The following ZNF703 variants were observed in gnomAD, a reference collection of about 807,000 sequenced individuals.
The protein encoded by ZNF703 is NocA-like zinc finger 1.
ZNF703 carries 18 observed loss-of-function variants against 30.7 expected under a neutral mutation model. The observed-to-expected ratio is 0.59, with a 90% CI of 0.40 to 0.87. The LOEUF (loss-of-function observed/expected upper bound fraction) is 0.87, where lower values mean the gene tolerates loss of function less well. Ranked by LOEUF, ZNF703 falls within the 40% of genes least tolerant of loss-of-function variation. The pLI, the probability that ZNF703 is intolerant of heterozygous loss-of-function variation, is 0.00. For synonymous variants in ZNF703, 457 were observed against 438.6 expected (o/e 1.04, Z -0.52); for missense variants, 814 against 847.8 (o/e 0.96, Z 0.50).
rs1190180641 is a variant in ZNF703 at position 37,695,938 on chromosome 8, C to T, written c.-42C>T. The T allele has an allele frequency of 3.0e-6, 4 of 1,351,722 alleles. No individual in the cohort carries two copies. The highest frequency in any genetic ancestry group is 3.1e-5 in the African/African-American group (2 of 65,512). 83.7% of individuals were successfully genotyped at this position (1,351,722 alleles called of 1,614,324 possible). A position where few individuals can be genotyped will look rare whatever the true frequency, so the allele number is the denominator to read the frequency against. On this transcript the variant is annotated 5_prime_UTR_variant, in exon 1 of 2. Coordinates refer to ENST00000331569, the MANE Select transcript of ZNF703 (RefSeq NM_025069.3). ...CCCGGGAGCTCGCCTCCCCGGTGCT[C>T]CCCCGCCCTCCCCGCCCCCCCAGCG...
In ZNF703 at chr8:37,697,691, G is replaced by A; in HGVS notation, c.790G>A (p.Gly264Arg). 7.5e-7 allele frequency: 1 copy of A among 1,332,654 alleles called. No individual in the cohort carries two copies. The highest frequency in any genetic ancestry group is 9.5e-7 in the Non-Finnish European group (1 of 1,049,494). 82.6% of individuals were successfully genotyped at this position (1,332,654 alleles called of 1,614,324 possible). A position where few individuals can be genotyped will look rare whatever the true frequency, so the allele number is the denominator to read the frequency against. Reference sequence around the variant, plus strand: ...GGCAGCCGTGAGCCGCGGCGGCGGTGGGGAGCCCGGGGCGCACGGTGGCGC... The same window carrying A: ...GGCAGCCGTGAGCCGCGGCGGCGGTAGGGAGCCCGGGGCGCACGGTGGCGC... ...EPAAVSRGGG[G>R]EPGAHGGAES... Residue 264 changes from glycine (G) to arginine (R), a missense_variant, in exon 2 of 2, where the codon GGG (glycine) becomes AGG (arginine). Gly to Arg is a moderately radical substitution (Grantham distance 125). Transcript: ENST00000331569.
At position 37,698,320 on chromosome 8, in the gene ZNF703, C is replaced by G. The variant is rs1203149910; in HGVS notation, c.1419C>G (p.Thr473=). 1 of 1,541,168 alleles carries G rather than the reference C, an allele frequency of 6.5e-7. No homozygotes were observed. The highest frequency in any genetic ancestry group is 8.7e-7 in the Non-Finnish European group (1 of 1,145,304). The change falls in exon 2 of 2, where the codon ACC becomes ACG. Residue 473 remains threonine (T), a synonymous_variant. Coordinates refer to ENST00000331569, the MANE Select transcript of ZNF703 (RefSeq NM_025069.3). ...GGCCGTGCGACAAGCGCTTCGCCAC[C>G]TCGGAGGAGCTGCTCAGCCACCTAC... ...ASGPCDKRFA[T]SEELLSHLRT...
In ZNF703 at chr8:37,697,936, G is replaced by A; in HGVS notation, c.1035G>A (p.Gln345=). 2 of 1,555,568 alleles carry A rather than the reference G, an allele frequency of 1.3e-6. No homozygotes were observed. The highest frequency in any genetic ancestry group is 1.4e-5 in the African/African-American group (1 of 73,938). ...DPSKSGLVGG[Q]LSGGLGLPPG... The stretch of plus-strand genomic sequence containing the variant: ...GCAAGTCCGGCCTCGTGGGAGGCCA[G>A]CTGTCTGGGGGCCTGGGCCTGCCGC... Residue 345 remains glutamine (Q), a synonymous_variant, in exon 2 of 2, where the codon CAG becomes CAA. Transcript: ENST00000331569.
In ZNF703 at chr8:37,699,598, G is replaced by T. The variant is rs566842218; in HGVS notation, c.*924G>T. On this transcript the variant is annotated 3_prime_UTR_variant, in exon 2 of 2. Transcript: ENST00000331569. ...CTGGTTGAATTCAAAGTCCCAGAAG[G>T]CCCCGCTGGCGTGAAGCCGGCCCCT... 2.0e-5 allele frequency: 3 copies of T among 152,432 alleles called. No homozygotes were observed. The highest frequency in any genetic ancestry group is 4.4e-5 in the Non-Finnish European group (3 of 68,092). 9.4% of individuals were successfully genotyped at this position (152,432 alleles called of 1,614,324 possible).
chr8:37,697,049 C>G, intron 1 of ZNF703, 96 bp from the exon 2 acceptor site: 1 of 1,350,272 alleles, frequency 7.4e-7, no homozygotes, highest in Non-Finnish European at 9.5e-7. Context: ...CGCCCCGCCC[C>G]GTGGCGCCGC....
Position 37,695,946 on chromosome 8 carries a change from C to A in ZNF703, c.-34C>A. On this transcript the variant is annotated 5_prime_UTR_variant, in exon 1 of 2. Coordinates refer to ENST00000331569, the MANE Select transcript of ZNF703 (RefSeq NM_025069.3). Reference sequence around the variant, plus strand: ...CTCGCCTCCCCGGTGCTCCCCCGCCCTCCCCGCCCCCCCAGCGGCGCTGCC... The same window carrying A: ...CTCGCCTCCCCGGTGCTCCCCCGCCATCCCCGCCCCCCCAGCGGCGCTGCC... The A allele has an allele frequency of 6.9e-7, 1 of 1,455,134 alleles. No individual in the cohort carries two copies. The highest frequency in any genetic ancestry group is 9.1e-7 in the Non-Finnish European group (1 of 1,099,536). 90.1% of individuals were successfully genotyped at this position (1,455,134 alleles called of 1,614,324 possible).
rs967396537 is a variant in ZNF703, at chr8:37,697,759, G to T, written c.858G>T (p.Ala286=). Residue 286 remains alanine (A), a synonymous_variant, in exon 2 of 2, where the codon GCG becomes GCT. Coordinates refer to ENST00000331569, the MANE Select transcript of ZNF703 (RefSeq NM_025069.3). Reference sequence around the variant, plus strand: ...GGCGCAAGTCCGAGCCGCCCTCGGCGCTGGTGGGGGCCGGCCACGTGGCGC... The same window carrying T: ...GGCGCAAGTCCGAGCCGCCCTCGGCTCTGGTGGGGGCCGGCCACGTGGCGC... The part of the protein sequence containing the change: ...ASGRKSEPPS[A]LVGAGHVAPV... The T allele has an allele frequency of 1.3e-5, 19 of 1,473,202 alleles. No individual in the cohort carries two copies. In the African/African-American group the frequency reaches 2.8e-4, roughly 22 times the overall value. 91.3% of individuals were successfully genotyped at this position (1,473,202 alleles called of 1,614,324 possible).
Position 37,697,570 on chromosome 8 carries a change from C to A in ZNF703, c.669C>A (p.Gly223=), listed in dbSNP as rs1203432047. 2.0e-6 allele frequency: 3 copies of A among 1,467,660 alleles called. No homozygotes were observed. The highest frequency in any genetic ancestry group is 2.7e-6 in the Non-Finnish European group (3 of 1,115,002). The allele number at this position is 1,467,660 out of a possible 1,614,324, so 90.9% of individuals were successfully genotyped here. Residue 223 remains glycine (G), a synonymous_variant, in exon 2 of 2, where the codon GGC becomes GGA. Coordinates refer to ENST00000331569, the MANE Select transcript of ZNF703 (RefSeq NM_025069.3). ...CGTCGTCGCCCGGCGGCTCCCGCGG[C>A]GGCTCCCCGCACCACTCTGACTGCA... ...SSSSSPGGSR[G]GSPHHSDCKN... is the part of the protein sequence containing the mutation.
rs550903756 is a variant in ZNF703 at position 37,698,932 on chromosome 8, C to T, written c.*258C>T. The T allele has an allele frequency of 5.3e-6, 2 of 377,410 alleles. No homozygotes were observed. Among genetic ancestry groups the T allele is most frequent in the East Asian group, 7.7e-5 (2 of 25,996 alleles). The allele number at this position is 377,410 out of a possible 1,614,324, so 23.4% of individuals were successfully genotyped here. On this transcript the variant is annotated 3_prime_UTR_variant, in exon 2 of 2. Coordinates refer to ENST00000331569, the MANE Select transcript of ZNF703 (RefSeq NM_025069.3). ...CTCCCAAATAATAATATTAATCCCA[C>T]AAATAACGACATGATCCCCGCCCCT...
At chr8:37,697,123 C>A (rs922540267) in intron 1 of ZNF703, 22 bp from the exon 2 acceptor site, 6 of 1,514,140 alleles carry the variant, frequency 4.0e-6, no homozygotes, top group South Asian at 1.3e-5. Flanking sequence ...CTTCTCCCTC[C>A]CCCTGCTTCT....
Position 37,697,569 on chromosome 8 carries a change from G to T in ZNF703, c.668G>T (p.Gly223Val). 1 of 1,467,682 alleles carries T rather than the reference G, an allele frequency of 6.8e-7. No homozygotes were observed. The allele number at this position is 1,467,682 out of a possible 1,614,324, so 90.9% of individuals were successfully genotyped here. A position where few individuals can be genotyped will look rare whatever the true frequency, so the allele number is the denominator to read the frequency against. Reference sequence around the variant, plus strand: ...TCGTCGTCGCCCGGCGGCTCCCGCGGCGGCTCCCCGCACCACTCTGACTGC... The same window carrying T: ...TCGTCGTCGCCCGGCGGCTCCCGCGTCGGCTCCCCGCACCACTCTGACTGC... ...SSSSSPGGSR[G>V]GSPHHSDCKN... The change falls in exon 2 of 2, where the codon GGC becomes GTC. Residue 223 changes from glycine (G) to valine (V), a missense_variant. Coordinates refer to ENST00000331569, the MANE Select transcript of ZNF703 (RefSeq NM_025069.3).
chr8:37,695,896 G>A lies in ZNF703; in HGVS notation c.-84G>A, dbSNP rs1368042630. 9.4e-6 allele frequency: 12 copies of A among 1,281,908 alleles called. No homozygotes were observed. The highest frequency in any genetic ancestry group is 1.6e-5 in the South Asian group (1 of 61,212). 79.4% of individuals were successfully genotyped at this position (1,281,908 alleles called of 1,614,324 possible). A position where few individuals can be genotyped will look rare whatever the true frequency, so the allele number is the denominator to read the frequency against. The stretch of plus-strand genomic sequence containing the variant: ...CCCGCTGCACCGCGATCGACGCTGC[G>A]GAGCGAGCCCACCCGCCCCGGGAGC... On this transcript the variant is annotated 5_prime_UTR_variant, in exon 1 of 2. Transcript: ENST00000331569.
At position 37,698,263 on chromosome 8, in the gene ZNF703, G is replaced by A; in HGVS notation, c.1362G>A (p.Leu454=). The A allele has an allele frequency of 6.5e-7, 1 of 1,538,944 alleles. No homozygotes were observed. Among genetic ancestry groups the A allele is most frequent in the Non-Finnish European group, 8.7e-7 (1 of 1,147,412 alleles). The change falls in exon 2 of 2, where the codon CTG becomes CTA. Residue 454 remains leucine, a synonymous_variant. Coordinates refer to ENST00000331569, the MANE Select transcript of ZNF703 (RefSeq NM_025069.3). Reference sequence around the variant, plus strand: ...GCTTCATGCTGCAGAACGAACCGCTGCCGCACAGCTGCAACTGGGTGGCAG... The same window carrying A: ...GCTTCATGCTGCAGAACGAACCGCTACCGCACAGCTGCAACTGGGTGGCAG... ...TYGFMLQNEP[L]PHSCNWVAAS...
At position 37,697,625 on chromosome 8, in the gene ZNF703, C is replaced by T; in HGVS notation, c.724C>T (p.Leu242=). Residue 242 remains leucine (L), a synonymous_variant, in exon 2 of 2, where the codon CTG becomes TTG. Transcript: ENST00000331569. ...KNGGGVGGGE[L]DKKDQEPKPS... ...CGGCGGCGGGGTTGGCGGCGGGGAG[C>T]TGGACAAGAAAGACCAGGAGCCCAA... 1 of 1,417,706 alleles carries T rather than the reference C, an allele frequency of 7.1e-7. No homozygotes were observed. The highest frequency in any genetic ancestry group is 2.9e-5 in the East Asian group (1 of 34,702). The allele number at this position is 1,417,706 out of a possible 1,614,324, so 87.8% of individuals were successfully genotyped here.
chr8:37,698,646 C>A lies in ZNF703; in HGVS notation c.1745C>A (p.Ala582Asp). Residue 582 changes from alanine to aspartate, a missense_variant, in exon 2 of 2, where the codon GCT (alanine) becomes GAT (aspartate). Ala to Asp is a moderately radical substitution (Grantham distance 126). Transcript: ENST00000331569. ...TACGCGCTGTATGGACAGAGACTAG[C>A]TTCAGCCTCGGCGCTGGGATACCAG... Reference protein sequence around the residue: ...SPYALYGQRLASASALGYQ With the variant: ...SPYALYGQRLDSASALGYQ The A allele has an allele frequency of 6.7e-7, 1 of 1,489,468 alleles. No individual in the cohort carries two copies. Among genetic ancestry groups the A allele is most frequent in the Non-Finnish European group, 8.9e-7 (1 of 1,118,566 alleles). 92.3% of individuals were successfully genotyped at this position (1,489,468 alleles called of 1,614,324 possible). A position where few individuals can be genotyped will look rare whatever the true frequency, so the allele number is the denominator to read the frequency against.
chr8:37,698,466 C>T lies in ZNF703; in HGVS notation c.1565C>T (p.Pro522Leu). 6.7e-6 allele frequency: 10 copies of T among 1,501,996 alleles called. No homozygotes were observed. The highest frequency in any genetic ancestry group is 8.0e-6 in the Non-Finnish European group (9 of 1,127,888). The allele number at this position is 1,501,996 out of a possible 1,614,324, so 93.0% of individuals were successfully genotyped here. A position where few individuals can be genotyped will look rare whatever the true frequency, so the allele number is the denominator to read the frequency against. The change falls in exon 2 of 2, where the codon CCG becomes CTG. Residue 522 changes from proline (P) to leucine (L), a missense_variant. Transcript: ENST00000331569. ...AAASCHLHLP[P>L]PAAPGSPGSL... The stretch of plus-strand genomic sequence containing the variant: ...GCCTCCTGCCATCTGCACCTCCCCC[C>T]GCCCGCCGCCCCCGGCAGCCCCGGG...
Position 37,698,459 on chromosome 8 carries a change from C to A in ZNF703, c.1558C>A (p.Leu520Ile). 6.7e-7 allele frequency: 1 copy of A among 1,491,420 alleles called. No individual in the cohort carries two copies. Among genetic ancestry groups the A allele is most frequent in the South Asian group, 1.3e-5 (1 of 76,654 alleles). 92.4% of individuals were successfully genotyped at this position (1,491,420 alleles called of 1,614,324 possible). A position where few individuals can be genotyped will look rare whatever the true frequency, so the allele number is the denominator to read the frequency against. Reference sequence around the variant, plus strand: ...CGCCGCCGCCTCCTGCCATCTGCACCTCCCCCCGCCCGCCGCCCCCGGCAG... The same window carrying A: ...CGCCGCCGCCTCCTGCCATCTGCACATCCCCCCGCCCGCCGCCCCCGGCAG... The part of the protein sequence containing the change: ...AAAAASCHLH[L>I]PPPAAPGSPG... The change falls in exon 2 of 2, where the codon CTC (leucine) becomes ATC (isoleucine). Residue 520 changes from leucine (L) to isoleucine (I), a missense_variant. By Grantham distance (5) the Leu-to-Ile change is conservative. Transcript: ENST00000331569.
rs1002166524 is a variant in ZNF703 at position 37,697,630 on chromosome 8, C to A, written c.729C>A (p.Asp243Glu). Residue 243 changes from aspartate to glutamate, a missense_variant, in exon 2 of 2, where the codon GAC becomes GAA. By Grantham distance (45) the Asp-to-Glu change is conservative (BLOSUM62 2). Transcript: ENST00000331569. Reference protein sequence around the residue: ...NGGGVGGGELDKKDQEPKPSP... With the variant: ...NGGGVGGGELEKKDQEPKPSP... The stretch of plus-strand genomic sequence containing the variant: ...GCGGGGTTGGCGGCGGGGAGCTGGA[C>A]AAGAAAGACCAGGAGCCCAAGCCCA... 7.1e-7 allele frequency: 1 copy of A among 1,405,108 alleles called. No individual in the cohort carries two copies. Among genetic ancestry groups the A allele is most frequent in the Non-Finnish European group, 9.2e-7 (1 of 1,087,172 alleles). 87.0% of individuals were successfully genotyped at this position (1,405,108 alleles called of 1,614,324 possible).
Position 37,698,636 on chromosome 8 carries a change from C to T in ZNF703, c.1735C>T (p.Gln579Ter). 1 of 1,513,930 alleles carries T rather than the reference C, an allele frequency of 6.6e-7. No homozygotes were observed. Among genetic ancestry groups the T allele is most frequent in the Non-Finnish European group, 8.8e-7 (1 of 1,132,116 alleles). 93.8% of individuals were successfully genotyped at this position (1,513,930 alleles called of 1,614,324 possible). A position where few individuals can be genotyped will look rare whatever the true frequency, so the allele number is the denominator to read the frequency against. Residue 579 changes from glutamine to a stop codon, truncating the protein, a stop_gained, in exon 2 of 2, where the codon CAG (glutamine) becomes TAG (stop). Transcript: ENST00000331569. LOFTEE classifies it high-confidence loss of function. ...CTATTCGCCATACGCGCTGTATGGA[C>T]AGAGACTAGCTTCAGCCTCGGCGCT... ...PYYSPYALYG[Q>*]RLASASALGY...
Sources: allele counts gnomAD v4.1 joint callset, GRCh38; gene constraint gnomAD v4.1.1; transcripts MANE v1.5; gene names NCBI Gene and HGNC (gene_info 2026-07-23, HGNC 2026-07-21).